WBP4: variants seen among roughly 807,000 people sequenced by gnomAD.
The protein encoded by WBP4 is WW domain-binding protein 4.
WBP4 carries 37 observed loss-of-function variants against 55.4 expected under a neutral mutation model. The ratio of observed to expected loss-of-function variants is 0.67; its 90% CI spans 0.51 to 0.88. The LOEUF (loss-of-function observed/expected upper bound fraction) is 0.88, where lower values mean the gene tolerates loss of function less well. Among genes scored for constraint, WBP4 ranks in the 40% least tolerant of loss-of-function variants. The probability of loss-of-function intolerance (pLI) is 0.00; values close to 1 mark genes in which losing one functional copy is unlikely to be tolerated. For missense variants in WBP4, 398 were observed against 420.8 expected, an observed-to-expected ratio of 0.95 and a Z score of 0.47; for synonymous variants, 142 against 140.2, an observed-to-expected ratio of 1.01 and a Z score of -0.09.
intron 7 of WBP4, among the ~76,000 whole-genome samples, chr13:41,073,884 A>G (rs1016511861): frequency 6.6e-6 from 1 of 152,204 alleles, no homozygotes; most frequent in Admixed American, 6.5e-5. Flanking sequence ...ACAATGTTTC[A>G]GTTGCATAAA....
At chr13:41,062,790 A>T in intron 2 of WBP4, 74 bp downstream of exon 2, 1 of 1,387,186 alleles carries the variant, frequency 7.2e-7, no homozygotes, top group Non-Finnish European at 1.0e-6. Flanking sequence ...ATGTAAACTC[A>T]GTTTACAAAG....
intron 4 of WBP4, among the ~76,000 whole-genome samples, chr13:41,067,299 A>G (rs1011959755): frequency 3.3e-5 from 5 of 152,256 alleles, no homozygotes; most frequent in Non-Finnish European, 5.9e-5. Context: ...TGATCTATCA[A>G]ACTAATACTG....
chr13:41,064,593 A>G (rs182299960), intron 2 of WBP4, among the ~76,000 whole-genome samples: 20 of 152,306 alleles, frequency 1.3e-4, no homozygotes, highest in Admixed American at 1.0e-3. Flanking sequence ...CAATAAAATC[A>G]TTGTTCTCTA....
chr13:41,061,858 C>A (rs1026400747), intron 1 of WBP4, among the ~76,000 whole-genome samples, 183 bp downstream of exon 1: 48 of 152,134 alleles, frequency 3.2e-4, no homozygotes, highest in Non-Finnish European at 6.8e-4. Context: ...AGAAATGTTA[C>A]CCCGCTGAAC....
intron 8 of WBP4, among the ~76,000 whole-genome samples, chr13:41,076,605 C>T (rs1032695975): frequency 1.3e-5 from 2 of 152,114 alleles, no homozygotes; most frequent in African/African-American, 4.8e-5. Context: ...AAAAGCTCTA[C>T]AGACCTTAAG....
chr13:41,078,609 C>T (rs1334246512), intron 8 of WBP4, among the ~76,000 whole-genome samples: 2 of 152,172 alleles, frequency 1.3e-5, no homozygotes, highest in African/African-American at 4.8e-5. Flanking sequence ...GGGCGGATCA[C>T]CTGAGGTCGA....
chr13:41,072,912 A>T, intron 7 of WBP4, 55 bp downstream of exon 7: 2 of 1,412,610 alleles, frequency 1.4e-6, no homozygotes, highest in African/African-American at 1.4e-5. Flanking sequence ...GGAACTGCTT[A>T]TTGGCCTGCT....
chr13:41,068,070 G>C (rs963459787), intron 4 of WBP4, among the ~76,000 whole-genome samples: 10 of 151,778 alleles, frequency 6.6e-5, no homozygotes, highest in African/African-American at 2.4e-4. Flanking sequence ...ATAGATGTAG[G>C]GGGTACAAGT....
chr13:41,064,185 T>G (rs1001359712), intron 2 of WBP4, among the ~76,000 whole-genome samples: 4 of 152,216 alleles, frequency 2.6e-5, no homozygotes, highest in South Asian at 4.1e-4. Flanking sequence ...TGCACTAGTT[T>G]TAAAAAATTT....
At position 41,082,814 on chromosome 13, in the gene WBP4, C is replaced by G; in HGVS notation, c.1031C>G (p.Ser344Cys). 1 of 1,614,084 alleles carries G rather than the reference C, an allele frequency of 6.2e-7. No homozygotes were observed. The highest frequency in any genetic ancestry group is 2.2e-5 in the East Asian group (1 of 44,870). Residue 344 changes from serine to cysteine, a missense_variant, in exon 10 of 10, where the codon TCT becomes TGT. Transcript: ENST00000379487. ...KVVFKEKTVT[S>C]LGVMADGVAP... ...GTATTTAAAGAAAAAACAGTCACTT[C>G]TCTTGGAGTTATGGCAGATGGAGTG... is the stretch of plus-strand genomic sequence containing the variant.
rs78470666 is a variant in WBP4, at chr13:41,063,860, G to A, written c.75+1144G>A. On this transcript the variant is annotated intron_variant, in intron 2 of 9. Coordinates refer to ENST00000379487, the MANE Select transcript of WBP4 (RefSeq NM_007187.5). The stretch of plus-strand genomic sequence containing the variant: ...GTCACACTTTAAAGATGAATTCATG[G>A]TAGTATTTTAAAATAGCTCAGTTAA... 8.0e-4 allele frequency among the ~76,000 whole-genome samples: 122 copies of A among 152,258 alleles called. 2 individuals are homozygous for A. In the East Asian group the frequency reaches 0.021, roughly 26 times the overall value.
intron 8 of WBP4, among the ~76,000 whole-genome samples, chr13:41,076,900 G>A (rs538420618): frequency 7.9e-5 from 12 of 152,248 alleles, no homozygotes; most frequent in South Asian, 6.2e-4. Context: ...CAAAGCCTTC[G>A]TTGTAATTGC....
chr13:41,070,362 C>T lies in WBP4; in HGVS notation c.440-1165C>T, dbSNP rs906900451. Among the ~76,000 whole-genome samples the T allele has an allele frequency of 2.0e-5, 3 of 151,950 alleles. No individual in the cohort carries two copies. In the South Asian group the frequency reaches 6.2e-4, roughly 32 times the overall value. On this transcript the variant is annotated intron_variant, in intron 5 of 9. Transcript: ENST00000379487. ...ATAATTAAGAGGTACAGAATCCACA[C>T]AGAACAATATGAACCCCAAAAAAGG...
intron 8 of WBP4, 82 bp downstream of exon 8, chr13:41,076,319 C>T (rs1484309441): frequency 1.7e-6 from 2 of 1,150,792 alleles, no homozygotes; most frequent in Non-Finnish European, 2.3e-6. Flanking sequence ...TTGTTCTGTC[C>T]CCAGGCTGGA....
intron 7 of WBP4, among the ~76,000 whole-genome samples, chr13:41,075,745 G>A (rs1180966199): frequency 6.6e-6 from 1 of 152,086 alleles, no homozygotes; most frequent in Non-Finnish European, 1.5e-5. Context: ...TTATCAATAC[G>A]TTTCCTGAAA....
At chr13:41,075,976 G>A (rs1349513000) in intron 7 of WBP4, 68 bp from the exon 8 acceptor site, 10 of 1,473,184 alleles carry the variant, frequency 6.8e-6, no homozygotes, top group African/African-American at 1.4e-5. Flanking sequence ...AGTGATAAAT[G>A]TTATGTTGAA....
At chr13:41,075,903 C>A in intron 7 of WBP4, 141 bp from the exon 8 acceptor site, 2 of 931,104 alleles carry the variant, frequency 2.1e-6, no homozygotes, top group African/African-American at 1.7e-5. Context: ...TTTGAGAACT[C>A]TGTTATCTTC....
At chr13:41,068,925 G>C (rs929165535) in intron 5 of WBP4, among the ~76,000 whole-genome samples, 188 bp downstream of exon 5, 7 of 152,108 alleles carry the variant, frequency 4.6e-5, no homozygotes, top group Admixed American at 2.6e-4. Context: ...TAGTGACTAA[G>C]TGTCATACTT....
At chr13:41,068,492 T>C (rs1011641159) in intron 4 of WBP4, 69 bp from the exon 5 acceptor site, 1 of 1,394,304 alleles carries the variant, frequency 7.2e-7, no homozygotes, top group African/African-American at 1.4e-5. Flanking sequence ...ATAACATTAA[T>C]GTTTTATGCC....
Sources: gnomAD v4.1 joint callset for allele counts (sites outside exome capture counted in the v4.1 genomes callset) on GRCh38, gnomAD v4.1.1 for gene constraint, MANE v1.5 for transcripts, NCBI Gene and HGNC (gene_info 2026-07-23, HGNC 2026-07-21) for gene names.